Variants in GABRG2 observed in about 807,000 individuals in gnomAD.
GABRG2 encodes gamma-aminobutyric acid receptor subunit gamma-2.
A neutral mutation model predicts 56.4 loss-of-function variants in GABRG2; 16 were observed. The observed-to-expected ratio is 0.28, with a 90% CI of 0.19 to 0.43. The LOEUF is 0.43. Among genes scored for constraint, GABRG2 ranks in the 20% least tolerant of loss-of-function variants. The pLI is 1.00. For missense variants in GABRG2, 327 were observed against 582.7 expected, an observed-to-expected ratio of 0.56 and a Z score of 4.52; for synonymous variants, 208 against 205.5, an observed-to-expected ratio of 1.01 and a Z score of -0.10.
chr5:162,077,073 C>CTGTGTGTGTGTGTGTGTGTG (rs55938019), intron 1 of GABRG2, among the ~76,000 whole-genome samples: 19 of 146,636 alleles, frequency 1.3e-4, no homozygotes, highest in African/African-American at 4.1e-4. Flanking sequence ...ACAACTACCC[C>CTGTGTGTGTGTGTGTGTGTG]TGTGTGTGTG....
intron 6 of GABRG2, among the ~76,000 whole-genome samples, chr5:162,115,481 G>C (rs1762552515): frequency 6.6e-6 from 1 of 151,100 alleles, no homozygotes; most frequent in Non-Finnish European, 1.5e-5. Context: ...AAGGGGACCA[G>C]GGTGTTGCCA....
chr5:162,070,585 C>T (rs566530352), intron 1 of GABRG2, among the ~76,000 whole-genome samples: 39 of 151,746 alleles, frequency 2.6e-4, no homozygotes, highest in African/African-American at 5.8e-4. Flanking sequence ...AGATTGTTTT[C>T]GCCCTCATTA....
Position 162,151,750 on chromosome 5 carries a change from C to G in GABRG2, c.1149C>G (p.Phe383Leu). The G allele has an allele frequency of 6.2e-7, 1 of 1,610,748 alleles. No individual in the cohort carries two copies. Among genetic ancestry groups the G allele is most frequent in the South Asian group, 1.1e-5 (1 of 90,700 alleles). ...KKNPLLRMFS[F>L]KAPTIDIRPR... ...CAAAGCTTCTTCGGATGTTTTCCTT[C>G]AAGGTATAATGTTTTTGGAATGGAA... Residue 383 changes from phenylalanine (F) to leucine (L), a missense_variant, in exon 9 of 10, where the codon TTC becomes TTG. Physicochemically the swap from Phe to Leu is conservative, Grantham distance 22. This residue lies in a region of GABRG2 where 108 missense variants were observed against 144.2 expected (regional missense o/e 0.75). Coordinates refer to ENST00000639213, the MANE Select transcript of GABRG2 (RefSeq NM_198904.4).
intron 1 of GABRG2, among the ~76,000 whole-genome samples, chr5:162,081,361 G>A (rs1466234307): frequency 1.3e-5 from 2 of 151,942 alleles, no homozygotes; most frequent in African/African-American, 4.8e-5. Context: ...CAGCATAATT[G>A]ACCTCTTCGT....
At chr5:162,152,910 T>C (rs1765475263) in intron 9 of GABRG2, 183 bp from the exon 10 acceptor site, 1 of 719,466 alleles carries the variant, frequency 1.4e-6, no homozygotes, top group African/African-American at 1.8e-5. Flanking sequence ...AGCTCAAAAT[T>C]TGAAATCTGC....
At chr5:162,094,561 T>C (rs1760857649) in intron 2 of GABRG2, 1 of 157,124 alleles carries the variant, frequency 6.4e-6, no homozygotes, top group African/African-American at 2.4e-5. Context: ...TAGAAGCTCA[T>C]GAGGCTGAAT....
intron 9 of GABRG2, 180 bp from the exon 10 acceptor site, chr5:162,152,913 A>C: frequency 1.4e-6 from 1 of 731,046 alleles, no homozygotes; most frequent in Non-Finnish European, 2.3e-6. Context: ...TCAAAATTTG[A>C]AATCTGCAAA....
Position 162,155,139 on chromosome 5 carries a change from G to A in GABRG2, c.*1771G>A, listed in dbSNP as rs1015495522. On this transcript the variant is annotated 3_prime_UTR_variant, in exon 10 of 10. Coordinates refer to ENST00000639213, the MANE Select transcript of GABRG2 (RefSeq NM_198904.4). ...ATGTAAAGTCATCATCAAGTCATCTGGATGAATCTTGAAACACATTTAGCT... is the reference window on the plus strand; with the variant it reads ...ATGTAAAGTCATCATCAAGTCATCTAGATGAATCTTGAAACACATTTAGCT... The A allele has an allele frequency of 1.3e-5, 2 of 152,474 alleles. No individual in the cohort carries two copies. The highest frequency in any genetic ancestry group is 4.8e-5 in the African/African-American group (2 of 41,418). 9.4% of individuals were successfully genotyped at this position (152,474 alleles called of 1,614,324 possible). A position where few individuals can be genotyped will look rare whatever the true frequency, so the allele number is the denominator to read the frequency against.
intron 4 of GABRG2, chr5:162,098,684 G>A (rs1324759473): frequency 6.6e-6 from 1 of 152,162 alleles, no homozygotes. Flanking sequence ...AAGGGACTTA[G>A]GGGCAGCTAT....
chr5:162,135,335 G>A (rs1764045995), intron 6 of GABRG2, among the ~76,000 whole-genome samples: 2 of 151,962 alleles, frequency 1.3e-5, no homozygotes, highest in African/African-American at 4.8e-5. Flanking sequence ...TAATGTAAAA[G>A]TTTAATATCT....
chr5:162,110,660 A>C (rs576013729), intron 6 of GABRG2, among the ~76,000 whole-genome samples: 24 of 151,530 alleles, frequency 1.6e-4, no homozygotes, highest in Non-Finnish European at 3.4e-4. Flanking sequence ...ACAACAACAA[A>C]AACTAAATGA....
At chr5:162,083,199 T>C (rs1482109546) in intron 1 of GABRG2, among the ~76,000 whole-genome samples, 1 of 151,798 alleles carries the variant, frequency 6.6e-6, no homozygotes, top group Admixed American at 6.6e-5. Flanking sequence ...GAATATTTCA[T>C]TTCCTGTCAC....
At chr5:162,134,508 T>C (rs1162211513) in intron 6 of GABRG2, among the ~76,000 whole-genome samples, 2 of 152,270 alleles carry the variant, frequency 1.3e-5, no homozygotes, top group African/African-American at 4.8e-5. Flanking sequence ...GTGAAGTGGA[T>C]TCTATTATTA....
At chr5:162,105,589 C>T (rs1761752845) in intron 6 of GABRG2, among the ~76,000 whole-genome samples, 1 of 151,836 alleles carries the variant, frequency 6.6e-6, no homozygotes, top group African/African-American at 2.4e-5. Flanking sequence ...ACCACCACGC[C>T]TGGCTAATTT....
chr5:162,108,083 A>G (rs1212655383), intron 6 of GABRG2, among the ~76,000 whole-genome samples: 1 of 152,182 alleles, frequency 6.6e-6, no homozygotes, highest in African/African-American at 2.4e-5. Flanking sequence ...GTTAACATTT[A>G]CTATTAACAC....
chr5:162,096,432 G>A (rs568107136), intron 3 of GABRG2, among the ~76,000 whole-genome samples: 3 of 152,194 alleles, frequency 2.0e-5, no homozygotes, highest in African/African-American at 7.2e-5. Flanking sequence ...TGAAATAATA[G>A]TTTTAAGAAT....
intron 9 of GABRG2, chr5:162,152,037 CA>C: frequency 8.8e-6 from 3 of 339,228 alleles, no homozygotes; most frequent in Non-Finnish European, 1.6e-5. Flanking sequence ...TTCCTCTTTT[CA>C]GATGAAAATG....
intron 6 of GABRG2, among the ~76,000 whole-genome samples, chr5:162,114,308 G>T (rs1003443986): frequency 2.6e-5 from 4 of 151,900 alleles, no homozygotes; most frequent in Non-Finnish European, 5.9e-5. Context: ...TTCATATTTT[G>T]GAAAGCAATG....
chr5:162,077,959 G>C (rs7713739), intron 1 of GABRG2, among the ~76,000 whole-genome samples: 1,958 of 152,048 alleles, frequency 0.013, 56 homozygotes, highest in African/African-American at 0.045. Flanking sequence ...GGGAGAGAGG[G>C]CTTTCAAGAT....
Sources: allele counts gnomAD v4.1 joint callset (sites outside exome capture counted in the v4.1 genomes callset), GRCh38; gene constraint gnomAD v4.1.1; regional missense constraint gnomAD v4.1.1; transcripts MANE v1.5; gene names NCBI Gene and HGNC (gene_info 2026-07-23, HGNC 2026-07-21).